Variants in SASH1 observed in about 807,000 individuals in gnomAD.
SASH1 encodes the protein SAM and SH3 domain-containing protein 1.
SASH1 carries 44 observed loss-of-function variants against 125.2 expected under a neutral mutation model. That is an observed-to-expected ratio of 0.35 (90% CI 0.28 to 0.45). The LOEUF (loss-of-function observed/expected upper bound fraction) is 0.45. SASH1 is among the 20% of genes least tolerant of loss of function. The probability of loss-of-function intolerance (pLI) is 1.00; values close to 1 mark genes in which losing one functional copy is unlikely to be tolerated. For missense variants in SASH1, 1,426 were observed against 1,614.5 expected (o/e 0.88, Z 2.00); for synonymous variants, 639 against 649.1 (o/e 0.98, Z 0.24).
At chr6:148,395,961 T>C (rs1432458387) in intron 2 of SASH1, among the ~76,000 whole-genome samples, 2 of 152,132 alleles carry the variant, frequency 1.3e-5, no homozygotes, top group African/African-American at 4.8e-5. Flanking sequence ...GTGCAGTTGT[T>C]GATGTGGCAC....
chr6:148,443,162 A>T (rs1401210902), intron 4 of SASH1, among the ~76,000 whole-genome samples: 1 of 131,716 alleles, frequency 7.6e-6, no homozygotes, highest in African/African-American at 2.8e-5. Flanking sequence ...AAAAAAAAAA[A>T]AAAATGGCTC....
chr6:148,354,406 T>C (rs1781848435), intron 1 of SASH1, among the ~76,000 whole-genome samples: 2 of 152,246 alleles, frequency 1.3e-5, no homozygotes, highest in South Asian at 4.1e-4. Context: ...CATTCACTTA[T>C]GATTTCATTT....
the SASH1 span, among the ~76,000 whole-genome samples, chr6:148,245,783 C>T: frequency 2.0e-5 from 3 of 151,856 alleles, no homozygotes; most frequent in Admixed American, 2.0e-4. Context: ...GTCAGGAGAT[C>T]GAGACCATCC....
At chr6:148,302,820 GTATATA>G (rs71031062) in intron 1 of SASH1, among the ~76,000 whole-genome samples, 64,140 of 143,734 alleles carry the variant, frequency 0.45, 14,503 homozygotes, top group African/African-American at 0.5. Flanking sequence ...GACCTCAGGA[GTATATA>G]TATATATATA....
At chr6:148,304,416 CAG>C (rs1020805743) in intron 1 of SASH1, among the ~76,000 whole-genome samples, 7 of 142,106 alleles carry the variant, frequency 4.9e-5, no homozygotes, top group African/African-American at 1.9e-4. Flanking sequence ...GCCTGGGCGA[CAG>C]AGTGACTCCG....
chr6:148,452,952 G>A (rs1461592056), intron 4 of SASH1, among the ~76,000 whole-genome samples: 2 of 152,256 alleles, frequency 1.3e-5, no homozygotes, highest in Non-Finnish European at 2.9e-5. Flanking sequence ...CGTTTGTGCA[G>A]GCATAACTGC....
chr6:148,369,694 C>T (rs941680047), intron 1 of SASH1, among the ~76,000 whole-genome samples: 7 of 152,056 alleles, frequency 4.6e-5, no homozygotes, highest in African/African-American at 1.7e-4. Context: ...TGACTCATGC[C>T]TGCGATCCTG....
chr6:148,548,400 G>A lies in SASH1; in HGVS notation c.3586G>A (p.Gly1196Ser), dbSNP rs200436243. The change falls in exon 20 of 20, where the codon GGC (glycine) becomes AGC (serine). Residue 1196 changes from glycine (G) to serine (S), a missense_variant. This residue lies in a region of SASH1 where 634 missense variants were observed against 694.4 expected (regional missense o/e 0.91). Transcript: ENST00000367467. The stretch of plus-strand genomic sequence containing the variant: ...TTCCATCGGTCTGCCCATGTACGCC[G>A]GCACCCTCTCCACCGCGGGCTTCAG... ...LISIGLPMYA[G>S]TLSTAGFSTL... 44 of 1,614,142 alleles carry A rather than the reference G, an allele frequency of 2.7e-5. No individual in the cohort carries two copies. The highest frequency in any genetic ancestry group is 1.9e-4 in the African/African-American group (14 of 75,014).
chr6:148,323,184 A>G (rs1488544021), intron 1 of SASH1, among the ~76,000 whole-genome samples: 1 of 151,776 alleles, frequency 6.6e-6, no homozygotes, highest in East Asian at 1.9e-4. Flanking sequence ...TAATTTTTGT[A>G]CTTTTAGTAG....
At chr6:148,425,302 A>G (rs1245840590) in intron 2 of SASH1, among the ~76,000 whole-genome samples, 3 of 152,240 alleles carry the variant, frequency 2.0e-5, no homozygotes, top group African/African-American at 7.2e-5. Context: ...TTATGTTTTC[A>G]TAAGAGATTT....
chr6:148,362,156 T>C (rs539286440), intron 1 of SASH1, among the ~76,000 whole-genome samples: 7 of 151,982 alleles, frequency 4.6e-5, no homozygotes, highest in African/African-American at 1.7e-4. Flanking sequence ...CTCGATATCC[T>C]GACCTTGTGA....
rs748922802 is a variant in SASH1 at position 148,519,565 on chromosome 6, T to TTGAGAATTCGCC, written c.882_893dup (p.Glu295_Pro298dup). ...CCTCCAGGTGGGGAGGAGCACGTGT[T>TTGAGAATTCGCC]TGAGAATTCGCCGGTCCTGGATGAA... On this transcript the variant is annotated inframe_insertion, in exon 10 of 20. Transcript: ENST00000367467. The surrounding 1 kb of genome is among the most constrained non-coding windows in gnomAD (Gnocchi z 4.8). 14 of 1,613,734 alleles carry TTGAGAATTCGCC rather than the reference T, an allele frequency of 8.7e-6. No individual in the cohort carries two copies. Among genetic ancestry groups the TTGAGAATTCGCC allele is most frequent in the Non-Finnish European group, 3.4e-6 (4 of 1,179,726 alleles).
At chr6:148,264,443 C>G in the SASH1 span, among the ~76,000 whole-genome samples, 1 of 152,222 alleles carries the variant, frequency 6.6e-6, no homozygotes, top group Admixed American at 6.5e-5. Context: ...TTTCTCTAAA[C>G]ACCACAAGAA....
In SASH1 at chr6:148,441,820, C is replaced by T. The variant is rs545485784; in HGVS notation, c.386+1413C>T. The stretch of plus-strand genomic sequence containing the variant: ...CTCAATTGTGGAGAGTCATTCTTTC[C>T]GTGTTTATATCCTTTACTTAGTAAA... On this transcript the variant is annotated intron_variant, in intron 4 of 19. Coordinates refer to ENST00000367467, the MANE Select transcript of SASH1 (RefSeq NM_015278.5). Among the ~76,000 whole-genome samples, 3 of 152,210 alleles carry T rather than the reference C, an allele frequency of 2.0e-5. No individual in the cohort carries two copies. The South Asian group carries it at 6.2e-4, about 32-fold the overall frequency.
intron 4 of SASH1, among the ~76,000 whole-genome samples, chr6:148,458,021 T>G (rs138517566): frequency 3.3e-5 from 5 of 152,222 alleles, no homozygotes; most frequent in South Asian, 4.1e-4. Flanking sequence ...CAAACTGTTA[T>G]GATTATATTC....
rs61277112 is a variant in SASH1, at chr6:148,396,478, G to GAAAAAAAAAAA, written c.285+6231_285+6241dup. ...GGTGCCAGAGTGAGACTGCATCTCA[G>GAAAAAAAAAAA]AAAAAAAAAAAAAAAAAAAAAAAAA... On this transcript the variant is annotated intron_variant, in intron 2 of 19. Coordinates refer to ENST00000367467, the MANE Select transcript of SASH1 (RefSeq NM_015278.5). 2.5e-4 allele frequency among the ~76,000 whole-genome samples: 16 copies of GAAAAAAAAAAA among 63,796 alleles called. 1 individual carries two copies. The highest frequency in any genetic ancestry group is 2.6e-4 in the African/African-American group (4 of 15,306). The allele number at this position is 63,796 out of a possible 152,430, so 41.9% of individuals were successfully genotyped here.
the SASH1 span, among the ~76,000 whole-genome samples, chr6:148,212,969 T>C: frequency 6.6e-6 from 1 of 152,150 alleles, no homozygotes; most frequent in Admixed American, 6.5e-5. Flanking sequence ...CTCAGGGACA[T>C]CACTAAGCTT....
chr6:148,474,065 C>A, intron 6 of SASH1, 45 bp from the exon 7 acceptor site: 1 of 1,259,476 alleles, frequency 7.9e-7, no homozygotes, highest in Non-Finnish European at 1.1e-6. Context: ...TTCTGTTTCG[C>A]CATTCTTGTT....
the SASH1 span, among the ~76,000 whole-genome samples, chr6:148,222,992 A>G: frequency 2.0e-4 from 30 of 152,290 alleles, no homozygotes; most frequent in African/African-American, 7.0e-4. Context: ...ATGCGAACTG[A>G]GTCTCAGATG....
Sources: allele counts gnomAD v4.1 joint callset (sites outside exome capture counted in the v4.1 genomes callset), GRCh38; gene constraint gnomAD v4.1.1; regional missense constraint gnomAD v4.1.1; non-coding constraint Gnocchi (gnomAD v3.1); transcripts MANE v1.5; gene names NCBI Gene and HGNC (gene_info 2026-07-23, HGNC 2026-07-21).